Variants in SHCBP1L observed in about 807,000 individuals in gnomAD.
The protein encoded by SHCBP1L is SHC binding and spindle associated 1 like.
In SHCBP1L, 67 loss-of-function variants were observed where a neutral mutation model predicts 62.5. The ratio of observed to expected loss-of-function variants is 1.07; its 90% CI spans 0.88 to 1.31. The LOEUF (loss-of-function observed/expected upper bound fraction) is 1.31. Ranked by LOEUF, SHCBP1L falls within the 40% of genes most tolerant of loss-of-function variation. The pLI is 0.00. For synonymous variants in SHCBP1L, 284 were observed against 289.4 expected, an observed-to-expected ratio of 0.98 and a Z score of 0.19; for missense variants, 823 against 809.8, an observed-to-expected ratio of 1.02 and a Z score of -0.20.
chr1:182,924,790 GAGAAAGA>G lies in SHCBP1L; in HGVS notation c.1182+4850_1182+4856del, dbSNP rs1557996904. On this transcript the variant is annotated intron_variant, in intron 6 of 9. Coordinates refer to ENST00000367547, the MANE Select transcript of SHCBP1L (RefSeq NM_030933.4). Reference sequence around the variant, plus strand: ...AAAGAAAGAAAGAAAGAAAGAAAGAGAGAAAGAAAGGAAGGAAGGAAGGAGGGAAGAG... The same window carrying G: ...AAAGAAAGAAAGAAAGAAAGAAAGAGAAGGAAGGAAGGAAGGAGGGAAGAG... Among the ~76,000 whole-genome samples the G allele has an allele frequency of 1.2e-4, 9 of 73,416 alleles. No homozygotes were observed. The East Asian group carries it at 2.5e-3, about 21-fold the overall frequency. The allele number at this position is 73,416 out of a possible 152,430, so 48.2% of individuals were successfully genotyped here.
intron 5 of SHCBP1L, among the ~76,000 whole-genome samples, chr1:182,930,687 GTGTGTGTGTGTGTGTGTA>G (rs1285706115): frequency 6.3e-5 from 5 of 79,008 alleles, no homozygotes; most frequent in African/African-American, 3.9e-4. Flanking sequence ...GTGTGTGTGT[GTGTGTGTGTGTGTGTGTA>G]TATATATATA....
At chr1:182,930,727 ATTTTTTTTT>A (rs71127328) in intron 5 of SHCBP1L, among the ~76,000 whole-genome samples, 4 of 20,958 alleles carry the variant, frequency 1.9e-4, no homozygotes, top group Admixed American at 2.0e-3. Context: ...ATATATATGT[ATTTTTTTTT>A]TTTTTTTTTT....
Position 182,953,078 on chromosome 1 carries a change from G to T in SHCBP1L, c.56C>A (p.Pro19Gln). The T allele has an allele frequency of 6.4e-7, 1 of 1,558,482 alleles. No individual in the cohort carries two copies. Among genetic ancestry groups the T allele is most frequent in the East Asian group, 2.3e-5 (1 of 42,602 alleles). ...VPADSFRTIS[P>Q]DRRGEKSASA... ...GGCGGACTTCTCGCCTCGCCTGTCC[G>T]GGCTGATGGTGCGGAATGAGTCCGC... The change falls in exon 1 of 10, where the codon CCG becomes CAG. Residue 19 changes from proline to glutamine, a missense_variant. Transcript: ENST00000367547.
chr1:182,929,801 G>A, intron 5 of SHCBP1L, 49 bp from the exon 6 acceptor site: 2 of 1,267,404 alleles, frequency 1.6e-6, no homozygotes, highest in Non-Finnish European at 2.2e-6. Flanking sequence ...GAAAAAGACT[G>A]ACCTTGTCCT....
chr1:182,948,193 A>C (rs181649723), intron 2 of SHCBP1L, among the ~76,000 whole-genome samples: 1 of 152,306 alleles, frequency 6.6e-6, no homozygotes, highest in African/African-American at 2.4e-5. Context: ...TCAGGAGTCA[A>C]CACTATGTTT....
Position 182,939,329 on chromosome 1 carries a change from T to G in SHCBP1L, c.923A>C (p.Glu308Ala). Reference protein sequence around the residue: ...PIAQRFKKTLEKYKNKRVELI... With the variant: ...PIAQRFKKTLAKYKNKRVELI... ...CTCGACACGTTTGTTTTTATATTTC[T>G]CCAAAGTTTTTTTAAAACGTTGTGC... The change falls in exon 5 of 10, where the codon GAG becomes GCG. Residue 308 changes from glutamate (E) to alanine (A), a missense_variant. Coordinates refer to ENST00000367547, the MANE Select transcript of SHCBP1L (RefSeq NM_030933.4). 1 of 1,614,028 alleles carries G rather than the reference T, an allele frequency of 6.2e-7. No homozygotes were observed. The highest frequency in any genetic ancestry group is 1.3e-5 in the African/African-American group (1 of 75,050).
Position 182,921,915 on chromosome 1 carries a change from A to G in SHCBP1L, c.1182+7732T>C, listed in dbSNP as rs1465364506. Among the ~76,000 whole-genome samples, 4 of 152,288 alleles carry G rather than the reference A, an allele frequency of 2.6e-5. No homozygotes were observed. In the South Asian group the frequency reaches 6.2e-4, roughly 24 times the overall value. ...AAAAAAGAAATCCATTTCACATGCA[A>G]TGACACCCATAGGCTCAAAGCAAAA... On this transcript the variant is annotated intron_variant, in intron 6 of 9. Coordinates refer to ENST00000367547, the MANE Select transcript of SHCBP1L (RefSeq NM_030933.4).
rs1195046522 is a variant in SHCBP1L at position 182,952,894 on chromosome 1, G to C, written c.240C>G (p.Asp80Glu). 6.3e-7 allele frequency: 1 copy of C among 1,588,952 alleles called. No individual in the cohort carries two copies. Among genetic ancestry groups the C allele is most frequent in the Non-Finnish European group, 8.6e-7 (1 of 1,168,796 alleles). Reference sequence around the variant, plus strand: ...CCGCCGCCGCCGCCGCCTCTCCCGTGTCCTCGGCCTGAGCCGCGGGCAGGC... The same window carrying C: ...CCGCCGCCGCCGCCGCCTCTCCCGTCTCCTCGGCCTGAGCCGCGGGCAGGC... Reference protein sequence around the residue: ...LQRLPAAQAEDTGEAAAAAAE... With the variant: ...LQRLPAAQAEETGEAAAAAAE... Residue 80 changes from aspartate to glutamate, a missense_variant, in exon 1 of 10, where the codon GAC becomes GAG. Physicochemically the swap from Asp to Glu is conservative, Grantham distance 45. Coordinates refer to ENST00000367547, the MANE Select transcript of SHCBP1L (RefSeq NM_030933.4).
intron 2 of SHCBP1L, among the ~76,000 whole-genome samples, chr1:182,948,116 AT>A (rs1651621374): frequency 6.6e-6 from 1 of 152,216 alleles, no homozygotes; most frequent in African/African-American, 2.4e-5. Flanking sequence ...ACAGTAGGCT[AT>A]TAGTTAAGTA....
chr1:182,920,982 A>C (rs970899873), intron 6 of SHCBP1L, among the ~76,000 whole-genome samples: 1 of 152,030 alleles, frequency 6.6e-6, no homozygotes, highest in African/African-American at 2.4e-5. Context: ...AAATTTCCCA[A>C]CCTCTCCAGA....
At chr1:182,931,022 C>A (rs1259041905) in intron 5 of SHCBP1L, among the ~76,000 whole-genome samples, 1 of 151,230 alleles carries the variant, frequency 6.6e-6, no homozygotes, top group Non-Finnish European at 1.5e-5. Context: ...CTGGCCAGTA[C>A]CAATATTTTT....
chr1:182,940,987 G>A (rs1294985003), intron 2 of SHCBP1L, among the ~76,000 whole-genome samples: 1 of 151,956 alleles, frequency 6.6e-6, no homozygotes, highest in Non-Finnish European at 1.5e-5. Context: ...CAGGACCTGG[G>A]ACTACAGGAA....
intron 7 of SHCBP1L, among the ~76,000 whole-genome samples, 195 bp downstream of exon 7, chr1:182,905,301 T>G (rs187876108): frequency 6.6e-6 from 1 of 152,312 alleles, no homozygotes; most frequent in Non-Finnish European, 1.5e-5. Context: ...AAGAAAAAAG[T>G]GCTTTGGGTA....
At chr1:182,906,149 T>G (rs1305139145) in intron 6 of SHCBP1L, among the ~76,000 whole-genome samples, 1 of 152,152 alleles carries the variant, frequency 6.6e-6, no homozygotes, top group Non-Finnish European at 1.5e-5. Context: ...TTGGCCAGGC[T>G]GCTCTTAAAC....
chr1:182,920,090 G>A lies in SHCBP1L; in HGVS notation c.1182+9557C>T, dbSNP rs1051065600. Among the ~76,000 whole-genome samples, 95 of 152,292 alleles carry A rather than the reference G, an allele frequency of 6.2e-4. 1 individual carries two copies. Among genetic ancestry groups the A allele is most frequent in the African/African-American group, 2.1e-3 (87 of 41,550 alleles). On this transcript the variant is annotated intron_variant, in intron 6 of 9. Transcript: ENST00000367547. ...TGATACATGCACACCCTGCTGCACC[G>A]CTGCCACTGTTGGCACATATGCAGG... is the stretch of plus-strand genomic sequence containing the variant.
At chr1:182,928,070 A>T (rs941049217) in intron 6 of SHCBP1L, among the ~76,000 whole-genome samples, 3 of 152,202 alleles carry the variant, frequency 2.0e-5, no homozygotes, top group Non-Finnish European at 2.9e-5. Flanking sequence ...AACATGATTG[A>T]ATAATATGCT....
chr1:182,911,952 T>C (rs1293813551), intron 6 of SHCBP1L, among the ~76,000 whole-genome samples: 4 of 152,234 alleles, frequency 2.6e-5, no homozygotes, highest in African/African-American at 9.6e-5. Flanking sequence ...TTTGTATGTA[T>C]ATATGGGTTT....
rs1328515235 is a variant in SHCBP1L at position 182,903,239 on chromosome 1, C to T, written c.1588-78G>A. ...CTCCAAAATCTTTAGACTTGAAAAT[C>T]GTAATTCTGTATTACCACTATAAAC... On this transcript the variant is annotated intron_variant, in intron 8 of 9. Transcript: ENST00000367547. 1.6e-5 allele frequency: 21 copies of T among 1,301,104 alleles called. No homozygotes were observed. The East Asian group carries it at 4.8e-4, about 30-fold the overall frequency. The allele number at this position is 1,301,104 out of a possible 1,614,324, so 80.6% of individuals were successfully genotyped here. A position where few individuals can be genotyped will look rare whatever the true frequency, so the allele number is the denominator to read the frequency against.
intron 6 of SHCBP1L, among the ~76,000 whole-genome samples, chr1:182,912,899 G>A (rs1571339712): frequency 6.6e-6 from 1 of 151,760 alleles, no homozygotes; most frequent in Non-Finnish European, 1.5e-5. Context: ...CACTTTGGGA[G>A]GCTGAGGTGG....
Sources: allele counts gnomAD v4.1 joint callset (sites outside exome capture counted in the v4.1 genomes callset), GRCh38; gene constraint gnomAD v4.1.1; transcripts MANE v1.5; gene names NCBI Gene and HGNC (gene_info 2026-07-23, HGNC 2026-07-21).